AHCY: variants seen among roughly 807,000 people sequenced by gnomAD.
AHCY encodes the protein adenosylhomocysteinase.
AHCY carries 24 observed loss-of-function variants against 45.4 expected under a neutral mutation model. The ratio of observed to expected loss-of-function variants is 0.53; its 90% CI spans 0.38 to 0.74. The LOEUF is 0.74. Among genes scored for constraint, AHCY ranks in the 30% least tolerant of loss-of-function variants. AHCY has a pLI of 0.00. For synonymous variants in AHCY, 245 were observed against 235.1 expected (o/e 1.04, Z -0.39); for missense variants, 449 against 594.1 (o/e 0.76, Z 2.54).
the AHCY span, chr20:34,246,683 C>A: frequency 4.9e-5 from 23 of 470,404 alleles, no homozygotes; most frequent in Middle Eastern, 2.5e-3. Context: ...GTCTTGAACT[C>A]CTGACCTCAA....
At position 34,303,333 on chromosome 20, in the gene AHCY, T is replaced by C. The variant is rs58942263; in HGVS notation, c.-63A>G. 1.8e-3 allele frequency: 2,739 copies of C among 1,549,940 alleles called. 11 individuals are homozygous for C. Among genetic ancestry groups the C allele is most frequent in the South Asian group, 4.7e-3 (391 of 84,008 alleles). On this transcript the variant is annotated 5_prime_UTR_variant, in exon 1 of 10. Transcript: ENST00000217426. ...TGGGCCTCAGTCTGGGAACAGGAAC[T>C]GGGCGGGCAGCGCCGAGCAGGGATA... is the stretch of plus-strand genomic sequence containing the variant.
chr20:34,240,724 A>G, the AHCY span, among the ~76,000 whole-genome samples: 17 of 152,304 alleles, frequency 1.1e-4, no homozygotes, highest in Non-Finnish European at 2.1e-4. Context: ...GGTTAACTCA[A>G]TTAGACTGTT....
chr20:34,260,339 C>T, the AHCY span: 1 of 1,599,212 alleles, frequency 6.3e-7, no homozygotes, highest in Non-Finnish European at 8.5e-7. Context: ...ACCCACCCAC[C>T]TGACCACCTT....
the AHCY span, among the ~76,000 whole-genome samples, chr20:34,257,544 A>ATAT: frequency 6.6e-6 from 1 of 152,140 alleles, no homozygotes; most frequent in African/African-American, 2.4e-5. Context: ...TTTTAAATAT[A>ATAT]TATTTAATTT....
At chr20:34,240,294 C>G in the AHCY span, among the ~76,000 whole-genome samples, 2 of 152,160 alleles carry the variant, frequency 1.3e-5, no homozygotes, top group African/African-American at 4.8e-5. Flanking sequence ...AGCAGCTGGG[C>G]TTGTGAAAAA....
rs2035982723 is a variant in AHCY at position 34,281,034 on chromosome 20, T to A, written c.1299A>T (p.Ter433CysextTer45). The part of the protein sequence containing the change: ...GPFKPDHYRY[*>C] ...GGAGGGTGAAACGCAGACCTGGCTCTCAGTAGCGGTAGTGATCCGGCTTGA... is the reference window on the plus strand; with the variant it reads ...GGAGGGTGAAACGCAGACCTGGCTCACAGTAGCGGTAGTGATCCGGCTTGA... Residue 433 changes from the stop codon to cysteine, a stop_lost, in exon 10 of 10, where the codon TGA becomes TGT. Coordinates refer to ENST00000217426, the MANE Select transcript of AHCY (RefSeq NM_000687.4). The A allele has an allele frequency of 6.2e-7, 1 of 1,614,102 alleles. No homozygotes were observed. The highest frequency in any genetic ancestry group is 8.5e-7 in the Non-Finnish European group (1 of 1,180,018).
chr20:34,249,459 G>A, the AHCY span, among the ~76,000 whole-genome samples: 514 of 152,092 alleles, frequency 3.4e-3, 3 homozygotes, highest in Non-Finnish European at 3.5e-3. Context: ...CCCCTAATCC[G>A]CAAACTTCTT....
At chr20:34,246,220 C>CT in the AHCY span, 5 of 1,492,898 alleles carry the variant, frequency 3.3e-6, no homozygotes, top group East Asian at 2.4e-5. Flanking sequence ...GTATGGTCTT[C>CT]TTTTTTTGTT....
At chr20:34,237,044 T>G in the AHCY span, among the ~76,000 whole-genome samples, 1 of 152,190 alleles carries the variant, frequency 6.6e-6, no homozygotes, top group African/African-American at 2.4e-5. Context: ...TTCTGGGCCT[T>G]TATTTATTCT....
chr20:34,285,995 C>T (rs530418904), intron 8 of AHCY: 2 of 314,804 alleles, frequency 6.4e-6, no homozygotes, highest in South Asian at 5.5e-5. Context: ...GTCCCAGCCA[C>T]TCGGGAGGCT....
chr20:34,245,834 A>C, the AHCY span: 1 of 769,220 alleles, frequency 1.3e-6, no homozygotes, highest in South Asian at 5.8e-5. Flanking sequence ...CTACAGTTTT[A>C]CTGTAGAATA....
chr20:34,295,671 G>A (rs953516067), intron 1 of AHCY, 86 bp from the exon 2 acceptor site: 36 of 1,376,778 alleles, frequency 2.6e-5, no homozygotes, highest in Admixed American at 5.7e-5. Context: ...CCCGATCCAC[G>A]TGTGGACTCA....
At chr20:34,303,968 G>C (rs987482738), upstream of AHCY, among the ~76,000 whole-genome samples, 4 of 152,186 alleles carry the variant, frequency 2.6e-5, no homozygotes, top group Non-Finnish European at 5.9e-5. Context: ...CACAGCACTT[G>C]AGCCTGGGCG....
intron 3 of AHCY, among the ~76,000 whole-genome samples, chr20:34,293,053 C>T (rs993129929): frequency 6.6e-6 from 1 of 152,156 alleles, no homozygotes; most frequent in Admixed American, 6.5e-5. Flanking sequence ...AAAATGACTA[C>T]GAGCAGCTAC....
chr20:34,281,115 C>T lies in AHCY; in HGVS notation c.1218G>A (p.Leu406=). ...EAHLGKLNVK[L]TKLTEKQAQY... is the part of the protein sequence containing the mutation. ...GGGCTTGCTTCTCAGTTAGCTTGGT[C>T]AACTTCACATTCAGCTTGCCCAGGT... The change falls in exon 10 of 10, where the codon TTG becomes TTA. Residue 406 remains leucine, a synonymous_variant. Transcript: ENST00000217426. 1 of 1,614,062 alleles carries T rather than the reference C, an allele frequency of 6.2e-7. No individual in the cohort carries two copies. The highest frequency in any genetic ancestry group is 1.1e-5 in the South Asian group (1 of 91,062).
downstream of AHCY, among the ~76,000 whole-genome samples, chr20:34,279,643 T>A (rs1419202853): frequency 6.6e-6 from 1 of 152,028 alleles, no homozygotes; most frequent in African/African-American, 2.4e-5. Flanking sequence ...CTATGTGCAC[T>A]CAGGGAAAAA....
At chr20:34,258,711 A>T in the AHCY span, among the ~76,000 whole-genome samples, 1 of 70,488 alleles carries the variant, frequency 1.4e-5, no homozygotes. Flanking sequence ...TATATATATT[A>T]TATATATTAT....
the AHCY span, among the ~76,000 whole-genome samples, chr20:34,234,506 TTC>T: frequency 8.9e-6 from 1 of 112,776 alleles, no homozygotes; most frequent in East Asian, 2.9e-4. Context: ...TCTTTTCTCC[TTC>T]CTTCCTTCCT....
At chr20:34,246,220 CT>C in the AHCY span, 1 of 1,493,008 alleles carries the variant, frequency 6.7e-7, no homozygotes, top group South Asian at 1.3e-5. Context: ...GTATGGTCTT[CT>C]TTTTTTGTTT....
Sources: allele counts gnomAD v4.1 joint callset (sites outside exome capture counted in the v4.1 genomes callset), GRCh38; gene constraint gnomAD v4.1.1; transcripts MANE v1.5; gene names NCBI Gene and HGNC (gene_info 2026-07-23, HGNC 2026-07-21).